Variants in ENTREP2 observed in about 807,000 individuals in gnomAD.
The protein encoded by ENTREP2 is endosomal transmembrane epsin interactor 2, also known as protein ENTREP2.
the ENTREP2 span, among the ~76,000 whole-genome samples, chr15:29,228,314 G>A: frequency 6.4e-5 from 9 of 141,532 alleles, no homozygotes; most frequent in East Asian, 7.2e-4. Flanking sequence ...GCAAGACTCC[G>A]TCTCAAACAA....
chr15:29,601,529 C>T, the ENTREP2 span, among the ~76,000 whole-genome samples: 1 of 149,046 alleles, frequency 6.7e-6, no homozygotes, highest in Admixed American at 6.8e-5. Flanking sequence ...AGTTTATTGT[C>T]AATAAGTCCT....
chr15:29,206,448 C>A, the ENTREP2 span, among the ~76,000 whole-genome samples: 2 of 152,142 alleles, frequency 1.3e-5, no homozygotes, highest in African/African-American at 4.8e-5. Context: ...GCTCAAGGCA[C>A]TTAAAGGCAC....
the ENTREP2 span, among the ~76,000 whole-genome samples, chr15:29,599,957 A>C: frequency 6.6e-6 from 1 of 152,194 alleles, no homozygotes; most frequent in African/African-American, 2.4e-5. Flanking sequence ...TTTTTTTATT[A>C]AAACCACAAA....
At chr15:29,356,248 G>GT in the ENTREP2 span, among the ~76,000 whole-genome samples, 5 of 111,198 alleles carry the variant, frequency 4.5e-5, no homozygotes, top group East Asian at 1.3e-3. Flanking sequence ...GATATGAAAT[G>GT]TATATATATG....
chr15:29,245,450 G>C, the ENTREP2 span, among the ~76,000 whole-genome samples: 3 of 151,814 alleles, frequency 2.0e-5, no homozygotes, highest in Non-Finnish European at 2.9e-5. Flanking sequence ...GCAATCAAAA[G>C]GGTTAAAATA....
chr15:29,657,149 G>A, the ENTREP2 span, among the ~76,000 whole-genome samples: 3 of 151,956 alleles, frequency 2.0e-5, no homozygotes, highest in Admixed American at 6.6e-5. Context: ...CCCCGTTCCG[G>A]CCATTCTCCT....
chr15:29,196,553 G>A, the ENTREP2 span: 3 of 1,550,880 alleles, frequency 1.9e-6, no homozygotes, highest in Admixed American at 5.9e-5. Flanking sequence ...CCTCCACACT[G>A]TCAAACTTAA....
At chr15:29,417,485 G>A in the ENTREP2 span, among the ~76,000 whole-genome samples, 1 of 152,144 alleles carries the variant, frequency 6.6e-6, no homozygotes, top group African/African-American at 2.4e-5. Context: ...ACACACCGGG[G>A]ACTGCTGTGG....
At chr15:29,294,009 C>T in the ENTREP2 span, among the ~76,000 whole-genome samples, 2 of 152,184 alleles carry the variant, frequency 1.3e-5, no homozygotes, top group Non-Finnish European at 2.9e-5. Context: ...GCCTAACCTC[C>T]ACCCCCCATG....
the ENTREP2 span, among the ~76,000 whole-genome samples, chr15:29,433,584 C>G: frequency 1.2e-4 from 19 of 152,220 alleles, no homozygotes; most frequent in African/African-American, 4.3e-4. Flanking sequence ...CCAGAATGTC[C>G]CTTTTAGTCA....
chr15:29,535,537 T>G, the ENTREP2 span, among the ~76,000 whole-genome samples: 1 of 151,978 alleles, frequency 6.6e-6, no homozygotes, highest in South Asian at 2.1e-4. Flanking sequence ...AAAAATTTTT[T>G]TAATTAGCCA....
chr15:29,286,330 G>A, the ENTREP2 span, among the ~76,000 whole-genome samples: 6 of 152,140 alleles, frequency 3.9e-5, no homozygotes, highest in East Asian at 1.9e-4. Flanking sequence ...AAAGTAGCTC[G>A]ATATAAGGTT....
the ENTREP2 span, among the ~76,000 whole-genome samples, chr15:29,365,188 T>G: frequency 6.6e-6 from 1 of 152,214 alleles, no homozygotes; most frequent in Non-Finnish European, 1.5e-5. Flanking sequence ...TCAGATTGAC[T>G]TCTTTCACAC....
At chr15:29,341,920 CTA>C in the ENTREP2 span, among the ~76,000 whole-genome samples, 1 of 152,062 alleles carries the variant, frequency 6.6e-6, no homozygotes, top group Admixed American at 6.5e-5. Context: ...TAATTTTTTC[CTA>C]TATGTGTCAA....
the ENTREP2 span, among the ~76,000 whole-genome samples, chr15:29,521,946 A>G: frequency 1.3e-5 from 2 of 152,156 alleles, no homozygotes; most frequent in South Asian, 2.1e-4. Flanking sequence ...CCAATACAGT[A>G]TAATCTCTAC....
chr15:29,565,825 G>A, the ENTREP2 span, among the ~76,000 whole-genome samples: 3 of 152,104 alleles, frequency 2.0e-5, no homozygotes, highest in South Asian at 6.2e-4. Context: ...GCAGGGTGTG[G>A]TGGCGGGCGC....
chr15:29,149,507 C>T, the ENTREP2 span, among the ~76,000 whole-genome samples: 1 of 152,224 alleles, frequency 6.6e-6, no homozygotes, highest in Non-Finnish European at 1.5e-5. Flanking sequence ...CAGCCTGGCT[C>T]AAGCCTCGGC....
the ENTREP2 span, among the ~76,000 whole-genome samples, chr15:29,157,961 G>C: frequency 0.014 from 2,105 of 152,150 alleles, 45 homozygotes; most frequent in African/African-American, 0.048. Flanking sequence ...AGGTGATCCA[G>C]CCGCCTTGGC....
the ENTREP2 span, chr15:29,128,859 TG>T: frequency 6.5e-7 from 1 of 1,549,956 alleles, no homozygotes; most frequent in Non-Finnish European, 8.7e-7. Context: ...GACCTATACT[TG>T]TAACCTACAG....
Sources: allele counts gnomAD v4.1 joint callset (sites outside exome capture counted in the v4.1 genomes callset), GRCh38; gene constraint gnomAD v4.1.1; transcripts MANE v1.5; gene names NCBI Gene and HGNC (gene_info 2026-07-23, HGNC 2026-07-21).